FANCB: variants seen among roughly 807,000 people sequenced by gnomAD.
The protein encoded by FANCB is Fanconi anemia group B protein.
FANCB carries 5 observed loss-of-function variants against 38.9 expected under a neutral mutation model. The observed-to-expected ratio is 0.13, with a 90% CI of 0.07 to 0.27. The LOEUF (loss-of-function observed/expected upper bound fraction) is 0.27, where lower values mean the gene tolerates loss of function less well. Among genes scored for constraint, FANCB ranks in the 10% least tolerant of loss-of-function variants. The probability of loss-of-function intolerance (pLI) is 1.00; values close to 1 mark genes in which losing one functional copy is unlikely to be tolerated. For missense variants in FANCB, 573 were observed against 602.7 expected, an observed-to-expected ratio of 0.95 and a Z score of 0.52; for synonymous variants, 236 against 215.4, an observed-to-expected ratio of 1.10 and a Z score of -0.84.
the FANCB span, among the ~76,000 whole-genome samples, chrX:14,778,573 C>T: frequency 8.9e-6 from 1 of 112,449 alleles, no homozygotes; most frequent in African/African-American, 3.2e-5. Flanking sequence ...TTGCCAAAGA[C>T]TGGCAAAGTG....
At chrX:14,721,988 A>G in the FANCB span, among the ~76,000 whole-genome samples, 1 of 111,985 alleles carries the variant, frequency 8.9e-6, no homozygotes, top group Non-Finnish European at 1.9e-5. Flanking sequence ...CAGTCTTCCA[A>G]CAACCTCCTT....
At chrX:14,855,769 G>A (rs1201005034) in intron 5 of FANCB, among the ~76,000 whole-genome samples, 2 of 112,180 alleles carry the variant, frequency 1.8e-5, no homozygotes, top group East Asian at 2.8e-4. Context: ...GGATGAATGT[G>A]TGTTTCCAGA....
At chrX:14,815,751 T>C in the FANCB span, among the ~76,000 whole-genome samples, 5 of 112,092 alleles carry the variant, frequency 4.5e-5, no homozygotes, top group African/African-American at 1.6e-4. Context: ...ATAGCAAAGA[T>C]ATGGAATCAA....
chrX:14,862,499 C>T (rs1483976768), intron 3 of FANCB, among the ~76,000 whole-genome samples: 1 of 111,593 alleles, frequency 9.0e-6, no homozygotes, highest in South Asian at 3.7e-4. Context: ...ATGTTAGTGG[C>T]AAAGCTTTAC....
At chrX:14,755,118 T>C in the FANCB span, among the ~76,000 whole-genome samples, 1 of 111,923 alleles carries the variant, frequency 8.9e-6, no homozygotes, top group Non-Finnish European at 1.9e-5. Flanking sequence ...TGTCCCTTCA[T>C]GATACCAAAT....
At chrX:14,763,065 G>A in the FANCB span, among the ~76,000 whole-genome samples, 1 of 111,517 alleles carries the variant, frequency 9.0e-6, no homozygotes, top group African/African-American at 3.3e-5. Context: ...GATCTAAACT[G>A]AGCTTGGAAA....
At chrX:14,701,313 T>A in the FANCB span, among the ~76,000 whole-genome samples, 22,629 of 110,532 alleles carry the variant, frequency 0.2, 1,887 homozygotes, top group Non-Finnish European at 0.26. Context: ...CTCAGCAGCC[T>A]AGAATAACCA....
At chrX:14,697,767 A>G in the FANCB span, among the ~76,000 whole-genome samples, 3 of 111,844 alleles carry the variant, frequency 2.7e-5, no homozygotes, top group Non-Finnish European at 5.6e-5. Flanking sequence ...AACATGGAAA[A>G]TCACAGGTTC....
At chrX:14,708,764 C>T in the FANCB span, among the ~76,000 whole-genome samples, 1 of 111,506 alleles carries the variant, frequency 9.0e-6, no homozygotes, top group Non-Finnish European at 1.9e-5. Context: ...TGGAGAAACC[C>T]CGTCTCTACT....
At chrX:14,821,925 A>G in the FANCB span, among the ~76,000 whole-genome samples, 1 of 111,887 alleles carries the variant, frequency 8.9e-6, no homozygotes, top group Middle Eastern at 4.6e-3. Flanking sequence ...TCCTCCTTCA[A>G]GCCAGGTCAA....
chrX:14,698,594 C>G, the FANCB span, among the ~76,000 whole-genome samples: 13 of 98,170 alleles, frequency 1.3e-4, no homozygotes, highest in African/African-American at 4.6e-4. Context: ...AGGAGAATCA[C>G]TTGAACCCGG....
At chrX:14,855,381 A>G (rs1263584386) in intron 5 of FANCB, among the ~76,000 whole-genome samples, 1 of 112,190 alleles carries the variant, frequency 8.9e-6, no homozygotes, top group Non-Finnish European at 1.9e-5. Context: ...TATTACCTAC[A>G]TTGAAAGCTA....
chrX:14,769,394 G>C, the FANCB span, among the ~76,000 whole-genome samples: 1 of 111,562 alleles, frequency 9.0e-6, no homozygotes, highest in South Asian at 3.7e-4. Context: ...GTCTTGGAAG[G>C]GTTATGTGTT....
chrX:14,790,218 G>A, the FANCB span, among the ~76,000 whole-genome samples: 1 of 111,776 alleles, frequency 8.9e-6, no homozygotes, highest in Non-Finnish European at 1.9e-5. Flanking sequence ...AAATATAAAT[G>A]GGAATCTTCC....
the FANCB span, among the ~76,000 whole-genome samples, chrX:14,761,547 T>C: frequency 1.8e-5 from 2 of 110,666 alleles, no homozygotes; most frequent in Admixed American, 9.7e-5. Context: ...ACTGGGAACA[T>C]AACGCTGGTA....
At chrX:14,871,537 C>T (rs1413484060) in intron 1 of FANCB, among the ~76,000 whole-genome samples, 1 of 110,649 alleles carries the variant, frequency 9.0e-6, no homozygotes, top group Non-Finnish European at 1.9e-5. Flanking sequence ...AAGTAAAAAC[C>T]TCAATGAACA....
the FANCB span, among the ~76,000 whole-genome samples, chrX:14,793,024 G>A: frequency 8.9e-6 from 1 of 111,957 alleles, no homozygotes. Flanking sequence ...TTTCATTGGT[G>A]TTTTAGTGGG....
At chrX:14,753,148 AAATT>A in the FANCB span, among the ~76,000 whole-genome samples, 3,601 of 111,644 alleles carry the variant, frequency 0.032, 68 homozygotes, top group Non-Finnish European at 0.051. Context: ...AAATTTGAGA[AAATT>A]AATATCGCCA....
In FANCB at chrX:14,868,925, G is replaced by A. The variant is rs1368566660; in HGVS notation, c.-73C>T. On this transcript the variant is annotated splice_region_variant and 5_prime_UTR_variant, in exon 2 of 10. Transcript: ENST00000650831. ...AAAAAAAGAAGTCATTGGCTTACTG[G>A]TTTGTTGTTAGGCAATTAACAGAAA... 8.9e-6 allele frequency: 1 copy of A among 111,822 alleles called. No individual in the cohort carries two copies. The highest frequency in any genetic ancestry group is 1.9e-5 in the Non-Finnish European group (1 of 53,066). 9.2% of individuals were successfully genotyped at this position (111,822 alleles called of 1,213,427 possible).
Sources: gnomAD v4.1 joint callset for allele counts (sites outside exome capture counted in the v4.1 genomes callset) on GRCh38, gnomAD v4.1.1 for gene constraint, MANE v1.5 for transcripts, NCBI Gene and HGNC (gene_info 2026-07-23, HGNC 2026-07-21) for gene names.